The following PKD1L1 variants were observed in gnomAD, a reference collection of about 807,000 sequenced individuals.
PKD1L1 encodes the protein polycystin 1 like 1, transient receptor potential channel interacting.
A neutral mutation model predicts 323.4 loss-of-function variants in PKD1L1; 236 were observed. The ratio of observed to expected loss-of-function variants is 0.73; its 90% CI spans 0.66 to 0.81. PKD1L1 has a LOEUF of 0.81. PKD1L1 is among the 40% of genes least tolerant of loss of function. PKD1L1 has a pLI of 0.00. For synonymous variants in PKD1L1, 1,344 were observed against 1,335.0 expected (o/e 1.01, Z -0.15); for missense variants, 3,320 against 3,508.0 (o/e 0.95, Z 1.35).
chr7:47,941,357 C>T (rs1230583798), intron 2 of PKD1L1, among the ~76,000 whole-genome samples: 2 of 152,202 alleles, frequency 1.3e-5, no homozygotes, highest in African/African-American at 2.4e-5. Flanking sequence ...AGCTCCAGGC[C>T]AGGGCTGGGC....
At chr7:47,896,596 C>T (rs1284681988) in intron 14 of PKD1L1, among the ~76,000 whole-genome samples, 3 of 152,038 alleles carry the variant, frequency 2.0e-5, no homozygotes, top group Non-Finnish European at 4.4e-5. Flanking sequence ...ACCTCCCCTA[C>T]TAGGTTGTTC....
chr7:47,812,363 C>T (rs1055512565), intron 49 of PKD1L1, among the ~76,000 whole-genome samples: 5 of 152,152 alleles, frequency 3.3e-5, no homozygotes. Flanking sequence ...GATGTCCACT[C>T]TCTCTCCCCA....
At chr7:47,891,568 C>T (rs1376377126) in intron 15 of PKD1L1, among the ~76,000 whole-genome samples, 1 of 152,238 alleles carries the variant, frequency 6.6e-6, no homozygotes, top group African/African-American at 2.4e-5. Context: ...GTCTGGTGTG[C>T]AGGCACCTCA....
chr7:47,775,095 G>T lies in PKD1L1; in HGVS notation c.*48C>A. Reference sequence around the variant, plus strand: ...GTCTGCTAAAATTGGCTGTTGGGTGGGTTAAGCAAAACAGGGTCCATAGTG... The same window carrying T: ...GTCTGCTAAAATTGGCTGTTGGGTGTGTTAAGCAAAACAGGGTCCATAGTG... On this transcript the variant is annotated 3_prime_UTR_variant, in exon 57 of 57. Coordinates refer to ENST00000289672, the MANE Select transcript of PKD1L1 (RefSeq NM_138295.5). 6.3e-7 allele frequency: 1 copy of T among 1,599,456 alleles called. No homozygotes were observed.
In PKD1L1 at chr7:47,893,933, TG is replaced by T; in HGVS notation, c.2397del (p.Ile800LeufsTer66). On this transcript the variant is annotated frameshift_variant, in exon 15 of 57. Transcript: ENST00000289672. LOFTEE classifies it high-confidence loss of function. ...HLFFSRTTSSPIVLRGTQSFD... is the reference protein window; with the variant it reads ...HLFFSRTTSSXIVLRGTQSFD... ...AAGGACTGGGTCCCTCTGAGGACAA[TG>T]GGGGATGAGGTGGTCCTGGAGAAGA... 1.9e-6 allele frequency: 3 copies of T among 1,613,734 alleles called. No individual in the cohort carries two copies. Among genetic ancestry groups the T allele is most frequent in the Non-Finnish European group, 1.7e-6 (2 of 1,179,952 alleles).
chr7:47,797,946 C>A (rs1784578265), intron 54 of PKD1L1, among the ~76,000 whole-genome samples: 1 of 152,094 alleles, frequency 6.6e-6, no homozygotes, highest in African/African-American at 2.4e-5. Flanking sequence ...CAAAGAGTAT[C>A]TAAATAAATG....
chr7:47,923,134 C>T (rs1787587136), intron 7 of PKD1L1, among the ~76,000 whole-genome samples: 1 of 152,078 alleles, frequency 6.6e-6, no homozygotes, highest in African/African-American at 2.4e-5. Context: ...TTGAAGGCAG[C>T]ATACTCGTTA....
intron 24 of PKD1L1, 113 bp from the exon 25 acceptor site, chr7:47,866,727 G>T: frequency 2.5e-6 from 2 of 810,976 alleles, no homozygotes; most frequent in Non-Finnish European, 3.9e-6. Context: ...GGACAGGGCA[G>T]GGTAGAAAGA....
In PKD1L1 at chr7:47,858,676, C is replaced by A; in HGVS notation, c.4359G>T (p.Leu1453Phe). ...ATGGAGAAAAAGTGTGACTTACCAA[C>A]AATAAATCTGAGATGACTGTAATTC... ...EEGITVISDL[L>F]LGCLSLNHVS... The change falls in exon 27 of 57, where the codon TTG (leucine) becomes TTT (phenylalanine). Residue 1453 changes from leucine (L) to phenylalanine (F), a missense_variant. By Grantham distance (22) the Leu-to-Phe change is conservative. Transcript: ENST00000289672. The A allele has an allele frequency of 6.2e-7, 1 of 1,610,386 alleles. No individual in the cohort carries two copies. The highest frequency in any genetic ancestry group is 8.5e-7 in the Non-Finnish European group (1 of 1,176,630).
At chr7:47,882,508 G>A (rs1400975889) in intron 19 of PKD1L1, among the ~76,000 whole-genome samples, 1 of 152,078 alleles carries the variant, frequency 6.6e-6, no homozygotes, top group Admixed American at 6.6e-5. Flanking sequence ...AGAAAAGCGG[G>A]GTATGCAGAG....
At chr7:47,842,143 A>G (rs1296502015) in intron 34 of PKD1L1, among the ~76,000 whole-genome samples, 1 of 152,238 alleles carries the variant, frequency 6.6e-6, no homozygotes, top group Non-Finnish European at 1.5e-5. Flanking sequence ...GGTTAAGAAC[A>G]TTCCTATGTG....
intron 1 of PKD1L1, among the ~76,000 whole-genome samples, chr7:47,945,816 C>T (rs938863052): frequency 1.3e-5 from 2 of 152,056 alleles, no homozygotes; most frequent in Non-Finnish European, 2.9e-5. Flanking sequence ...TCCCAGACAC[C>T]CCCACAACAG....
At chr7:47,892,993 C>T (rs146428170) in intron 15 of PKD1L1, among the ~76,000 whole-genome samples, 2,588 of 152,122 alleles carry the variant, frequency 0.017, 77 homozygotes, top group African/African-American at 0.058. Context: ...CACTTTGGGA[C>T]GCCAAGGCAG....
chr7:47,833,260 G>T lies in PKD1L1; in HGVS notation c.6175-8C>A. 1 of 1,611,096 alleles carries T rather than the reference G, an allele frequency of 6.2e-7. No homozygotes were observed. The highest frequency in any genetic ancestry group is 1.1e-5 in the South Asian group (1 of 90,440). The stretch of plus-strand genomic sequence containing the variant: ...AATGGCTGATGCAGGTTGCTAGAAT[G>T]ACAAGGTCATGCCAAGGTTAATATC... On this transcript the variant is annotated splice_polypyrimidine_tract_variant and splice_region_variant and intron_variant, in intron 40 of 56. Coordinates refer to ENST00000289672, the MANE Select transcript of PKD1L1 (RefSeq NM_138295.5).
intron 55 of PKD1L1, among the ~76,000 whole-genome samples, chr7:47,793,226 C>G (rs1042693928): frequency 6.6e-6 from 1 of 151,998 alleles, no homozygotes; most frequent in Non-Finnish European, 1.5e-5. Flanking sequence ...TGTACAGTAC[C>G]GTGATTACAT....
intron 54 of PKD1L1, among the ~76,000 whole-genome samples, chr7:47,800,440 G>C (rs550592187): frequency 6.6e-6 from 1 of 152,302 alleles, no homozygotes; most frequent in Admixed American, 6.5e-5. Context: ...CTGCTCTCGT[G>C]CTGGACTATT....
chr7:47,831,696 G>A (rs1316537903), intron 41 of PKD1L1, among the ~76,000 whole-genome samples: 1 of 152,178 alleles, frequency 6.6e-6, no homozygotes, highest in Non-Finnish European at 1.5e-5. Context: ...TCAGGATGGG[G>A]GTGGTGAGCA....
intron 17 of PKD1L1, 84 bp from the exon 18 acceptor site, chr7:47,886,138 T>C: frequency 6.8e-7 from 1 of 1,476,836 alleles, no homozygotes; most frequent in South Asian, 1.4e-5. Context: ...TATGTAAGGA[T>C]GCTATATTAT....
intron 27 of PKD1L1, 68 bp from the exon 28 acceptor site, chr7:47,857,900 T>G: frequency 6.9e-7 from 1 of 1,455,250 alleles, no homozygotes; most frequent in Non-Finnish European, 9.5e-7. Flanking sequence ...GAATCCAGAC[T>G]AGGAGAGAGG....
Sources: allele counts gnomAD v4.1 joint callset (sites outside exome capture counted in the v4.1 genomes callset), GRCh38; gene constraint gnomAD v4.1.1; transcripts MANE v1.5; gene names NCBI Gene and HGNC (gene_info 2026-07-23, HGNC 2026-07-21).